Variants in TMEM163 observed in about 807,000 individuals in gnomAD.
The protein encoded by TMEM163 is transmembrane protein 163.
TMEM163 carries 17 observed loss-of-function variants against 29.3 expected under a neutral mutation model. That is an observed-to-expected ratio of 0.58 (90% confidence interval 0.40 to 0.87). The LOEUF is 0.87. Among genes scored for constraint, TMEM163 ranks in the 40% least tolerant of loss-of-function variants. The probability of loss-of-function intolerance (pLI) is 0.00; values close to 1 mark genes in which losing one functional copy is unlikely to be tolerated. For synonymous variants in TMEM163, 157 were observed against 160.6 expected (o/e 0.98, Z 0.17); for missense variants, 303 against 381.5 (o/e 0.79, Z 1.71).
intron 2 of TMEM163, among the ~76,000 whole-genome samples, chr2:134,578,449 C>T (rs1681613228): frequency 6.6e-6 from 1 of 152,180 alleles, no homozygotes; most frequent in Non-Finnish European, 1.5e-5. Flanking sequence ...TCCTGTCAGC[C>T]AGTTGTATTT....
chr2:134,596,594 G>A (rs1421877782), intron 2 of TMEM163, among the ~76,000 whole-genome samples: 1 of 152,192 alleles, frequency 6.6e-6, no homozygotes, highest in African/African-American at 2.4e-5. Flanking sequence ...TTGGCAATGC[G>A]AGCTCTTCTT....
At chr2:134,629,306 G>A (rs948062421) in intron 2 of TMEM163, among the ~76,000 whole-genome samples, 2 of 152,190 alleles carry the variant, frequency 1.3e-5, no homozygotes, top group Non-Finnish European at 2.9e-5. Flanking sequence ...ATATCTGTAG[G>A]TGTATTTGTA....
chr2:134,608,762 G>A (rs1431784725), intron 2 of TMEM163, among the ~76,000 whole-genome samples: 1 of 47,578 alleles, frequency 2.1e-5, no homozygotes, highest in African/African-American at 8.0e-5. Flanking sequence ...CCCGAGAACT[G>A]TGCTGGTGAA....
chr2:134,508,886 T>C (rs940509003), intron 4 of TMEM163, among the ~76,000 whole-genome samples: 2 of 152,094 alleles, frequency 1.3e-5, no homozygotes, highest in African/African-American at 4.8e-5. Context: ...ACCACAACTT[T>C]CCACACAAGC....
At chr2:134,592,055 G>C (rs75081648) in intron 2 of TMEM163, among the ~76,000 whole-genome samples, 3,715 of 152,330 alleles carry the variant, frequency 0.024, 157 homozygotes, top group African/African-American at 0.085. Context: ...GGCAGCGAGG[G>C]AGAAGGAGAG....
chr2:134,657,608 G>T (rs966671629), intron 2 of TMEM163, among the ~76,000 whole-genome samples: 8 of 152,168 alleles, frequency 5.3e-5, no homozygotes, highest in Non-Finnish European at 1.2e-4. Flanking sequence ...TTCATGACCA[G>T]CCTGACTAAC....
At chr2:134,697,551 G>A (rs866731301) in intron 2 of TMEM163, among the ~76,000 whole-genome samples, 31 of 146,630 alleles carry the variant, frequency 2.1e-4, no homozygotes, top group South Asian at 4.4e-4. Flanking sequence ...TGCAACCTCC[G>A]CCTCCCGGGT....
chr2:134,585,696 C>A (rs1006285391), intron 2 of TMEM163, among the ~76,000 whole-genome samples: 1 of 150,814 alleles, frequency 6.6e-6, no homozygotes, highest in Admixed American at 6.6e-5. Flanking sequence ...GAGTCTAGAT[C>A]GCGCCACTGC....
chr2:134,659,705 G>A (rs1353182237), intron 2 of TMEM163, among the ~76,000 whole-genome samples: 1 of 152,128 alleles, frequency 6.6e-6, no homozygotes, highest in Admixed American at 6.5e-5. Flanking sequence ...GTCAACAAAG[G>A]GCCAGGCACA....
intron 5 of TMEM163, among the ~76,000 whole-genome samples, chr2:134,475,941 T>C (rs35646994): frequency 0.036 from 5,511 of 152,292 alleles, 165 homozygotes; most frequent in South Asian, 0.13. Context: ...CCTTATGAAA[T>C]TAAATATAGA....
chr2:134,640,544 G>C (rs1683200909), intron 2 of TMEM163, among the ~76,000 whole-genome samples: 1 of 152,096 alleles, frequency 6.6e-6, no homozygotes. Context: ...AGTATCTCTA[G>C]ATCTCAGCAG....
intron 2 of TMEM163, among the ~76,000 whole-genome samples, chr2:134,596,421 G>A (rs1259447670): frequency 6.6e-6 from 1 of 152,114 alleles, no homozygotes; most frequent in Non-Finnish European, 1.5e-5. Context: ...TCAGATAGTT[G>A]TAGATGTGTG....
chr2:134,595,256 C>T (rs1452955405), intron 2 of TMEM163, among the ~76,000 whole-genome samples: 1 of 152,030 alleles, frequency 6.6e-6, no homozygotes, highest in African/African-American at 2.4e-5. Context: ...AATGCTATCC[C>T]TCCCCACTCC....
At chr2:134,457,425 C>T (rs111281102) in intron 7 of TMEM163, among the ~76,000 whole-genome samples, 3 of 152,138 alleles carry the variant, frequency 2.0e-5, no homozygotes, top group Admixed American at 2.0e-4. Flanking sequence ...GGCAGTTGTC[C>T]CTCTTTTTGA....
Position 134,550,556 on chromosome 2 carries a change from A to G in TMEM163, c.458+14T>C. 7 of 1,613,484 alleles carry G rather than the reference A, an allele frequency of 4.3e-6. No individual in the cohort carries two copies. Among genetic ancestry groups the G allele is most frequent in the South Asian group, 1.1e-5 (1 of 91,050 alleles). On this transcript the variant is annotated intron_variant, in intron 4 of 7. Transcript: ENST00000281924. ...CGGGTTCTTCAGCCTGGAGAAAGAC[A>G]AGAATCTACTTACATGTACTCCCTA...
At chr2:134,459,981 C>T (rs1686496850) in intron 6 of TMEM163, among the ~76,000 whole-genome samples, 2 of 151,952 alleles carry the variant, frequency 1.3e-5, no homozygotes, top group African/African-American at 2.4e-5. Flanking sequence ...CTGCATGCTC[C>T]GTAGATGGGG....
chr2:134,521,548 GC>G (rs1189527712), intron 4 of TMEM163, among the ~76,000 whole-genome samples: 4 of 152,154 alleles, frequency 2.6e-5, no homozygotes, highest in African/African-American at 9.7e-5. Flanking sequence ...GGGAAACCCT[GC>G]TCTAAGTCAT....
Position 134,485,899 on chromosome 2 carries a change from G to A in TMEM163, c.555+17002C>T, listed in dbSNP as rs1446217168. On this transcript the variant is annotated intron_variant, in intron 5 of 7. Coordinates refer to ENST00000281924, the MANE Select transcript of TMEM163 (RefSeq NM_030923.5). The stretch of plus-strand genomic sequence containing the variant: ...TCAAAGCAACATCCAGCTGGGTGTC[G>A]GAGTGAATAACCAGGGATACATGCC... 5.9e-5 allele frequency among the ~76,000 whole-genome samples: 9 copies of A among 152,008 alleles called. No individual in the cohort carries two copies. The East Asian group carries it at 9.7e-4, about 16-fold the overall frequency.
intron 5 of TMEM163, among the ~76,000 whole-genome samples, chr2:134,493,414 C>T (rs1679473896): frequency 7.9e-6 from 1 of 126,552 alleles, no homozygotes; most frequent in Non-Finnish European, 1.5e-5. Flanking sequence ...CACTCTGTCG[C>T]CCAGTCTGGA....
Sources: allele counts gnomAD v4.1 joint callset (sites outside exome capture counted in the v4.1 genomes callset), GRCh38; gene constraint gnomAD v4.1.1; transcripts MANE v1.5; gene names NCBI Gene and HGNC (gene_info 2026-07-23, HGNC 2026-07-21).